Variants in KDM4C observed in about 807,000 individuals in gnomAD.
KDM4C encodes the protein lysine-specific demethylase 4C.
A neutral mutation model predicts 129.3 loss-of-function variants in KDM4C; 81 were observed. The ratio of observed to expected loss-of-function variants is 0.63; its 90% CI spans 0.52 to 0.75. The LOEUF (loss-of-function observed/expected upper bound fraction) is 0.75, where lower values mean the gene tolerates loss of function less well. Ranked by LOEUF, KDM4C falls within the 30% of genes least tolerant of loss-of-function variation. KDM4C has a pLI of 0.00. For synonymous variants in KDM4C, 573 were observed against 456.1 expected (o/e 1.26, Z -3.26); for missense variants, 1,457 against 1,304.0 (o/e 1.12, Z -1.81).
At chr9:6,878,065 A>G (rs758339837) in intron 5 of KDM4C, among the ~76,000 whole-genome samples, 39 of 152,200 alleles carry the variant, frequency 2.6e-4, no homozygotes, top group African/African-American at 8.4e-4. Context: ...TGAGCAAGAT[A>G]ATGACTAAGG....
At chr9:6,744,978 C>G (rs1737939823) in intron 1 of KDM4C, among the ~76,000 whole-genome samples, 1 of 152,108 alleles carries the variant, frequency 6.6e-6, no homozygotes, top group African/African-American at 2.4e-5. Flanking sequence ...CTTCCTCCTC[C>G]TATTCCTCCT....
intron 8 of KDM4C, among the ~76,000 whole-genome samples, chr9:6,970,684 G>C (rs1831815714): frequency 6.6e-6 from 1 of 152,166 alleles, no homozygotes. Flanking sequence ...TAGAATAGTT[G>C]AGAAGCCATT....
chr9:6,757,554 C>T (rs1588077236), upstream of KDM4C: 3 of 874,672 alleles, frequency 3.4e-6, no homozygotes, highest in Non-Finnish European at 2.7e-6. Flanking sequence ...CGGAGAGCTG[C>T]GAGCCCCGAC....
chr9:6,864,197 C>T (rs1477859655), intron 5 of KDM4C, among the ~76,000 whole-genome samples: 1 of 152,096 alleles, frequency 6.6e-6, no homozygotes, highest in African/African-American at 2.4e-5. Flanking sequence ...CTGGTGATGG[C>T]AAATTCTCTC....
At position 6,814,649 on chromosome 9, in the gene KDM4C, C is replaced by T. The variant is rs766709087; in HGVS notation, c.339C>T (p.Tyr113=). The T allele has an allele frequency of 1.2e-6, 2 of 1,604,168 alleles. No individual in the cohort carries two copies. Among genetic ancestry groups the T allele is most frequent in the African/African-American group, 1.3e-5 (1 of 74,504 alleles). The change falls in exon 4 of 22, where the codon TAC becomes TAT. Residue 113 remains tyrosine (Y), a synonymous_variant. Transcript: ENST00000381309. ...TTTACAGATATTGTACTCCAAGATA[C>T]TTGGATTACGAAGATTTGGAGCGCA... ...ANSGKYCTPR[Y]LDYEDLERKY...
At chr9:6,858,726 C>G (rs546188815) in intron 5 of KDM4C, among the ~76,000 whole-genome samples, 4 of 151,570 alleles carry the variant, frequency 2.6e-5, no homozygotes, top group African/African-American at 9.7e-5. Context: ...GAGCCAACAT[C>G]GTGTCACTGC....
At chr9:6,748,121 G>A (rs1420986277) in intron 1 of KDM4C, among the ~76,000 whole-genome samples, 1 of 150,860 alleles carries the variant, frequency 6.6e-6, no homozygotes, top group Admixed American at 6.6e-5. Flanking sequence ...AGCAGAGATC[G>A]CACCACTGCA....
intron 19 of KDM4C, among the ~76,000 whole-genome samples, chr9:7,139,625 C>A (rs1477972459): frequency 1.3e-5 from 2 of 152,128 alleles, no homozygotes; most frequent in Non-Finnish European, 2.9e-5. Context: ...CCACACTAGA[C>A]CCTGTAACTT....
chr9:7,077,008 C>G (rs1834001489), intron 17 of KDM4C: 1 of 985,464 alleles, frequency 1.0e-6, no homozygotes, highest in Non-Finnish European at 1.2e-6. Context: ...GTCTGTCAGC[C>G]TGAATCCTTC....
chr9:7,159,066 G>C (rs561100318), intron 19 of KDM4C, among the ~76,000 whole-genome samples: 1 of 152,296 alleles, frequency 6.6e-6, no homozygotes, highest in South Asian at 2.1e-4. Context: ...AGCTCTTTTT[G>C]TTGAATTGAT....
intron 1 of KDM4C, among the ~76,000 whole-genome samples, chr9:6,745,341 A>G (rs1255590265): frequency 2.0e-5 from 3 of 151,968 alleles, no homozygotes; most frequent in Non-Finnish European, 4.4e-5. Flanking sequence ...GCTCGCACCT[A>G]TAATCCCAGC....
intron 8 of KDM4C, among the ~76,000 whole-genome samples, chr9:6,910,922 A>T (rs182216925): frequency 1.8e-4 from 28 of 152,202 alleles, no homozygotes; most frequent in Middle Eastern, 3.4e-3. Context: ...GTGTAGATAG[A>T]TGTTTGTAAT....
rs186612760 is a variant in KDM4C at position 6,925,856 on chromosome 9, G to A, written c.921+32624G>A. Among the ~76,000 whole-genome samples the A allele has an allele frequency of 2.0e-5, 3 of 152,232 alleles. No individual in the cohort carries two copies. The East Asian group carries it at 5.8e-4, about 29-fold the overall frequency. On this transcript the variant is annotated intron_variant, in intron 8 of 21. Transcript: ENST00000381309. Reference sequence around the variant, plus strand: ...CTACCTCTTGTGAAGTTTAAAGTTTGTATTTTATGAAAGGGCATTGGGACG... The same window carrying A: ...CTACCTCTTGTGAAGTTTAAAGTTTATATTTTATGAAAGGGCATTGGGACG...
chr9:6,743,894 C>G (rs1392562705), intron 1 of KDM4C, among the ~76,000 whole-genome samples: 1 of 150,976 alleles, frequency 6.6e-6, no homozygotes, highest in African/African-American at 2.4e-5. Flanking sequence ...CTAAGTGACT[C>G]ACTAATGTGA....
rs904136331 is a variant in KDM4C, at chr9:7,040,391, G to C, written c.2260-6471G>C. The stretch of plus-strand genomic sequence containing the variant: ...ACTCTGTGTGTGTGTGTGTGTGTGT[G>C]TGTGTGTGTGTGTGCGTGTGTATGT... On this transcript the variant is annotated intron_variant, in intron 15 of 21. Coordinates refer to ENST00000381309, the MANE Select transcript of KDM4C (RefSeq NM_015061.6). 3.1e-3 allele frequency among the ~76,000 whole-genome samples: 447 copies of C among 145,112 alleles called. 4 individuals are homozygous for C. Among genetic ancestry groups the C allele is most frequent in the African/African-American group, 5.9e-3 (227 of 38,384 alleles).
At chr9:6,996,354 T>C (rs906651073) in intron 12 of KDM4C, among the ~76,000 whole-genome samples, 65 of 152,382 alleles carry the variant, frequency 4.3e-4, no homozygotes, top group African/African-American at 1.5e-3. Flanking sequence ...CCCCTTCTTC[T>C]GGCCTCATGG....
chr9:7,087,988 G>T (rs1214054514), intron 17 of KDM4C, among the ~76,000 whole-genome samples: 1 of 152,190 alleles, frequency 6.6e-6, no homozygotes, highest in Non-Finnish European at 1.5e-5. Flanking sequence ...CACTAGAATT[G>T]CTTTGAGGTA....
chr9:6,790,521 G>A (rs1038316431), intron 1 of KDM4C, among the ~76,000 whole-genome samples: 6 of 150,672 alleles, frequency 4.0e-5, no homozygotes, highest in Non-Finnish European at 8.9e-5. Context: ...CCCAGAGTGC[G>A]GGGATTATAG....
chr9:7,067,175 C>T (rs978029871), intron 17 of KDM4C, among the ~76,000 whole-genome samples: 1 of 152,206 alleles, frequency 6.6e-6, no homozygotes, highest in African/African-American at 2.4e-5. Flanking sequence ...TTCAAAACTC[C>T]ATTTATCTTA....
Sources: allele counts gnomAD v4.1 joint callset (sites outside exome capture counted in the v4.1 genomes callset), GRCh38; gene constraint gnomAD v4.1.1; transcripts MANE v1.5; gene names NCBI Gene and HGNC (gene_info 2026-07-23, HGNC 2026-07-21).